The following DKK2 variants were observed in gnomAD, a reference collection of about 807,000 sequenced individuals.
DKK2 encodes the protein dickkopf Wnt signaling pathway inhibitor 2.
DKK2 carries 11 observed loss-of-function variants against 28.1 expected under a neutral mutation model. That is an observed-to-expected ratio of 0.39 (90% CI 0.25 to 0.65). The LOEUF is 0.65. DKK2 is among the 30% of genes least tolerant of loss of function. The pLI, the probability that DKK2 is intolerant of heterozygous loss-of-function variation, is 0.47. For missense variants in DKK2, 326 were observed against 335.5 expected (o/e 0.97, Z 0.22); for synonymous variants, 135 against 126.5 (o/e 1.07, Z -0.45).
intron 1 of DKK2, among the ~76,000 whole-genome samples, chr4:106,967,088 A>G (rs199968173): frequency 6.6e-6 from 1 of 152,188 alleles, no homozygotes; most frequent in East Asian, 1.9e-4. Flanking sequence ...AAGTTCTTCA[A>G]TAGATCAATT....
intron 1 of DKK2, among the ~76,000 whole-genome samples, chr4:106,928,541 T>A (rs1302026519): frequency 6.6e-6 from 1 of 152,152 alleles, no homozygotes; most frequent in Non-Finnish European, 1.5e-5. Flanking sequence ...CTGGATCCAA[T>A]AAACAGTCTT....
intron 1 of DKK2, among the ~76,000 whole-genome samples, chr4:107,017,322 T>G (rs1357126502): frequency 6.6e-6 from 1 of 152,044 alleles, no homozygotes; most frequent in African/African-American, 2.4e-5. Flanking sequence ...TGGATAATAA[T>G]TTTTTAGTTT....
intron 1 of DKK2, among the ~76,000 whole-genome samples, chr4:106,975,744 TTCCAC>T (rs1722934421): frequency 1.3e-5 from 2 of 152,174 alleles, no homozygotes; most frequent in South Asian, 4.1e-4. Context: ...TCTCCTTCAG[TTCCAC>T]TCGAATCTTA....
At chr4:106,928,753 A>G (rs1578345125) in intron 1 of DKK2, among the ~76,000 whole-genome samples, 1 of 152,216 alleles carries the variant, frequency 6.6e-6, no homozygotes, top group African/African-American at 2.4e-5. Context: ...ACCCATTAAT[A>G]ACAATTCTCA....
Position 107,035,658 on chromosome 4 carries a change from A to G in DKK2, c.-67T>C. 11 of 1,567,126 alleles carry G rather than the reference A, an allele frequency of 7.0e-6. No homozygotes were observed. Among genetic ancestry groups the G allele is most frequent in the Non-Finnish European group, 9.6e-6 (11 of 1,149,936 alleles). Reference sequence around the variant, plus strand: ...GGGTGGGAATGCAAAGGGAGGGAGGACCCCAACACGGGGCCCCTCACTTGG... The same window carrying G: ...GGGTGGGAATGCAAAGGGAGGGAGGGCCCCAACACGGGGCCCCTCACTTGG... On this transcript the variant is annotated 5_prime_UTR_variant, in exon 1 of 4. Coordinates refer to ENST00000285311, the MANE Select transcript of DKK2 (RefSeq NM_014421.3).
intron 1 of DKK2, among the ~76,000 whole-genome samples, chr4:106,943,995 G>C (rs952026451): frequency 2.6e-5 from 4 of 151,976 alleles, no homozygotes; most frequent in Non-Finnish European, 4.4e-5. Flanking sequence ...TATATTTCTT[G>C]TTGGTGGATC....
intron 1 of DKK2, among the ~76,000 whole-genome samples, chr4:107,017,149 A>G (rs1023383879): frequency 2.6e-5 from 4 of 151,978 alleles, no homozygotes; most frequent in Non-Finnish European, 5.9e-5. Flanking sequence ...TAAGTATTTG[A>G]CTTTATCCAT....
At chr4:106,978,666 C>T (rs1578365503) in intron 1 of DKK2, among the ~76,000 whole-genome samples, 1 of 152,172 alleles carries the variant, frequency 6.6e-6, no homozygotes, top group African/African-American at 2.4e-5. Flanking sequence ...TCGATCTTAG[C>T]TTGCTGGGCT....
chr4:106,924,369 A>T, intron 3 of DKK2, 165 bp from the exon 4 acceptor site: 1 of 1,237,564 alleles, frequency 8.1e-7, no homozygotes, highest in Non-Finnish European at 1.1e-6. Context: ...GCCTCTTATC[A>T]CATAAATCTA....
chr4:106,980,010 T>G (rs766641077), intron 1 of DKK2, among the ~76,000 whole-genome samples: 18 of 152,244 alleles, frequency 1.2e-4, no homozygotes, highest in Non-Finnish European at 1.9e-4. Flanking sequence ...AAACATCATT[T>G]TGGTGTCCAT....
At chr4:106,997,368 C>T (rs1022518949) in intron 1 of DKK2, among the ~76,000 whole-genome samples, 4 of 152,034 alleles carry the variant, frequency 2.6e-5, no homozygotes, top group South Asian at 2.1e-4. Context: ...CTGGTTAAAA[C>T]GCTTCCATTA....
At chr4:106,940,516 G>A (rs999513848) in intron 1 of DKK2, among the ~76,000 whole-genome samples, 4 of 150,554 alleles carry the variant, frequency 2.7e-5, no homozygotes, top group South Asian at 2.1e-4. Flanking sequence ...TAGTGGGACC[G>A]TAAACTAGTT....
intron 1 of DKK2, among the ~76,000 whole-genome samples, chr4:107,025,131 G>A (rs896149948): frequency 6.6e-6 from 1 of 152,106 alleles, no homozygotes; most frequent in Non-Finnish European, 1.5e-5. Context: ...AACTGAGAGA[G>A]GACTGGGAAG....
At chr4:106,974,792 G>A (rs1038757932) in intron 1 of DKK2, among the ~76,000 whole-genome samples, 2 of 152,164 alleles carry the variant, frequency 1.3e-5, no homozygotes, top group African/African-American at 2.4e-5. Context: ...ACTAGGAGTG[G>A]TGAGAGAAGG....
intron 1 of DKK2, among the ~76,000 whole-genome samples, chr4:106,935,764 G>C (rs1029940373): frequency 6.6e-6 from 1 of 152,212 alleles, no homozygotes; most frequent in Admixed American, 6.5e-5. Context: ...CGCAGCTGGA[G>C]ATCTGAGAAT....
Position 106,957,148 on chromosome 4 carries a change from G to A in DKK2, c.223-31199C>T, listed in dbSNP as rs1029566826. Among the ~76,000 whole-genome samples, 1,198 of 152,070 alleles carry A rather than the reference G, an allele frequency of 7.9e-3. 6 individuals are homozygous for A. Among genetic ancestry groups the A allele is most frequent in the Non-Finnish European group, 0.012 (821 of 67,936 alleles). ...ATTCATGCAGCCAAAAGACACATGA[G>A]AAAATGCTCATCATCACTGGCCATC... On this transcript the variant is annotated intron_variant, in intron 1 of 3. Transcript: ENST00000285311.
At chr4:106,938,282 G>T (rs1414113891) in intron 1 of DKK2, among the ~76,000 whole-genome samples, 1 of 151,706 alleles carries the variant, frequency 6.6e-6, no homozygotes, top group East Asian at 1.9e-4. Flanking sequence ...AATGATAAAG[G>T]GGATATCACC....
At chr4:107,024,621 G>A (rs1216391654) in intron 1 of DKK2, among the ~76,000 whole-genome samples, 1 of 152,076 alleles carries the variant, frequency 6.6e-6, no homozygotes, top group African/African-American at 2.4e-5. Flanking sequence ...ATTCAGGGTG[G>A]CACGGTCTTA....
chr4:107,015,540 G>A (rs1723585130), intron 1 of DKK2, among the ~76,000 whole-genome samples: 2 of 151,592 alleles, frequency 1.3e-5, no homozygotes, highest in African/African-American at 4.8e-5. Context: ...TTTCTTCATA[G>A]TACATTGGAT....
Sources: allele counts gnomAD v4.1 joint callset (sites outside exome capture counted in the v4.1 genomes callset), GRCh38; gene constraint gnomAD v4.1.1; transcripts MANE v1.5; gene names NCBI Gene and HGNC (gene_info 2026-07-23, HGNC 2026-07-21).